Variants in UGGT2 observed in about 807,000 individuals in gnomAD.
UGGT2 encodes the protein UDP-glucose:glycoprotein glucosyltransferase 2.
A neutral mutation model predicts 192.1 loss-of-function variants in UGGT2; 180 were observed. The observed-to-expected ratio is 0.94, with a 90% CI of 0.83 to 1.06. The LOEUF (loss-of-function observed/expected upper bound fraction) is 1.06, where lower values mean the gene tolerates loss of function less well. UGGT2 is among the 50% of genes least tolerant of loss of function. The probability of loss-of-function intolerance (pLI) is 0.00; values close to 1 mark genes in which losing one functional copy is unlikely to be tolerated. For missense variants in UGGT2, 1,849 were observed against 1,795.7 expected, an observed-to-expected ratio of 1.03 and a Z score of -0.54; for synonymous variants, 580 against 591.0, an observed-to-expected ratio of 0.98 and a Z score of 0.27.
At chr13:95,824,996 A>T (rs953093055) in intron 38 of UGGT2, among the ~76,000 whole-genome samples, 2 of 151,870 alleles carry the variant, frequency 1.3e-5, no homozygotes. Flanking sequence ...ATTATAGCTT[A>T]ATTTGGTTAT....
intron 8 of UGGT2, among the ~76,000 whole-genome samples, chr13:95,987,764 G>C (rs531986780): frequency 1.3e-5 from 2 of 152,084 alleles, no homozygotes; most frequent in South Asian, 4.2e-4. Flanking sequence ...TCTTACATTC[G>C]AAGTCTCTCC....
chr13:95,933,256 T>C (rs2049347972), intron 17 of UGGT2, among the ~76,000 whole-genome samples: 1 of 152,204 alleles, frequency 6.6e-6, no homozygotes, highest in Non-Finnish European at 1.5e-5. Context: ...GATTCAATTA[T>C]GGAACTCAGT....
intron 1 of UGGT2, among the ~76,000 whole-genome samples, chr13:96,047,097 T>C (rs2053337011): frequency 6.6e-6 from 1 of 152,230 alleles, no homozygotes; most frequent in African/African-American, 2.4e-5. Context: ...TATATGTCCC[T>C]GTCTGACAGC....
At chr13:95,829,218 G>C (rs908929014) in intron 38 of UGGT2, among the ~76,000 whole-genome samples, 3 of 152,252 alleles carry the variant, frequency 2.0e-5, no homozygotes, top group Non-Finnish European at 4.4e-5. Flanking sequence ...GTATCATACT[G>C]AATGGGCAAA....
intron 38 of UGGT2, among the ~76,000 whole-genome samples, chr13:95,821,433 TA>T (rs1885502443): frequency 6.6e-6 from 1 of 152,176 alleles, no homozygotes; most frequent in South Asian, 2.1e-4. Flanking sequence ...TTGATGGGAT[TA>T]TTTTTTTCTT....
intron 12 of UGGT2, among the ~76,000 whole-genome samples, chr13:95,954,638 G>A (rs1022038470): frequency 3.9e-5 from 6 of 152,126 alleles, no homozygotes; most frequent in African/African-American, 7.2e-5. Context: ...GAAAATCTTT[G>A]AATCTGCCTA....
intron 38 of UGGT2, among the ~76,000 whole-genome samples, chr13:95,819,043 A>G (rs1042723540): frequency 2.0e-5 from 3 of 152,194 alleles, no homozygotes; most frequent in Non-Finnish European, 4.4e-5. Context: ...TCAAAATACT[A>G]TGAGAAATAA....
At chr13:95,908,552 C>G (rs1304186040) in intron 20 of UGGT2, among the ~76,000 whole-genome samples, 2 of 152,152 alleles carry the variant, frequency 1.3e-5, no homozygotes, top group Admixed American at 1.3e-4. Context: ...GAACTAGTTA[C>G]AGTCCCACCA....
At chr13:95,805,242 T>G (rs994227231) in intron 38 of UGGT2, among the ~76,000 whole-genome samples, 1 of 151,528 alleles carries the variant, frequency 6.6e-6, no homozygotes, top group East Asian at 1.9e-4. Context: ...ATGAAATTAT[T>G]ACCTCAGACC....
chr13:95,862,959 C>T (rs967033546), intron 31 of UGGT2, among the ~76,000 whole-genome samples: 2 of 152,156 alleles, frequency 1.3e-5, no homozygotes, highest in African/African-American at 2.4e-5. Flanking sequence ...ACCTCCCAGA[C>T]TCAAGCAATC....
chr13:95,822,138 T>C (rs1051569211), intron 38 of UGGT2, among the ~76,000 whole-genome samples: 2 of 152,186 alleles, frequency 1.3e-5, no homozygotes, highest in Admixed American at 1.3e-4. Flanking sequence ...ATTGAATCTG[T>C]AGGTTGCATT....
At chr13:95,948,252 C>CACAT (rs746647419) in intron 13 of UGGT2, among the ~76,000 whole-genome samples, 171 bp from the exon 14 acceptor site, 19 of 148,382 alleles carry the variant, frequency 1.3e-4, no homozygotes, top group Admixed American at 8.6e-4. Context: ...CACACACACA[C>CACAT]ATATAAAGGA....
chr13:95,911,625 G>A (rs1379997663), intron 20 of UGGT2, among the ~76,000 whole-genome samples: 1 of 152,212 alleles, frequency 6.6e-6, no homozygotes, highest in Non-Finnish European at 1.5e-5. Context: ...TCCAGGACCA[G>A]ATGGATTCAC....
intron 10 of UGGT2, 43 bp from the exon 11 acceptor site, chr13:95,972,714 T>C (rs375246902): frequency 8.2e-5 from 119 of 1,443,002 alleles, no homozygotes; most frequent in Admixed American, 1.6e-4. Context: ...GATAGAACAA[T>C]AGTGACCTAT....
chr13:95,856,618 C>A, intron 33 of UGGT2: 1 of 433,964 alleles, frequency 2.3e-6, no homozygotes, highest in South Asian at 1.9e-5. Context: ...GATAAATGTT[C>A]CCATACTTTT....
chr13:95,924,023 T>G (rs2048933579), intron 20 of UGGT2, among the ~76,000 whole-genome samples: 1 of 152,192 alleles, frequency 6.6e-6, no homozygotes, highest in Non-Finnish European at 1.5e-5. Context: ...TTATCTTTTT[T>G]CAATTTTTAT....
Position 95,946,936 on chromosome 13 carries a change from C to T in UGGT2, c.1677+101G>A, listed in dbSNP as rs568832300. 68 of 1,246,258 alleles carry T rather than the reference C, an allele frequency of 5.5e-5. 1 individual carries two copies. In the Middle Eastern group the frequency reaches 1.2e-3, roughly 22 times the overall value. The allele number at this position is 1,246,258 out of a possible 1,614,324, so 77.2% of individuals were successfully genotyped here. A position where few individuals can be genotyped will look rare whatever the true frequency, so the allele number is the denominator to read the frequency against. ...ACAGTTTATAAACTTTGAAATGTTA[C>T]AATAAATGTAATGCAAAAATTATAC... On this transcript the variant is annotated intron_variant, in intron 15 of 38. Coordinates refer to ENST00000376747, the MANE Select transcript of UGGT2 (RefSeq NM_020121.4).
At chr13:95,900,406 A>G (rs1410337249) in intron 22 of UGGT2, among the ~76,000 whole-genome samples, 1 of 152,152 alleles carries the variant, frequency 6.6e-6, no homozygotes, top group East Asian at 1.9e-4. Flanking sequence ...TGAAAATAGT[A>G]TCTAATGCCA....
At chr13:95,997,702 G>A (rs966844348) in intron 6 of UGGT2, among the ~76,000 whole-genome samples, 8 of 152,158 alleles carry the variant, frequency 5.3e-5, no homozygotes, top group Middle Eastern at 3.4e-3. Context: ...TGAAGACAGC[G>A]GTAGGCAAAA....
Sources: allele counts gnomAD v4.1 joint callset (sites outside exome capture counted in the v4.1 genomes callset), GRCh38; gene constraint gnomAD v4.1.1; transcripts MANE v1.5; gene names NCBI Gene and HGNC (gene_info 2026-07-23, HGNC 2026-07-21).